Variants in PHF24 observed in about 807,000 individuals in gnomAD.
PHF24 encodes PHD finger protein 24.
Under a neutral mutation model 42.6 loss-of-function variants are expected in PHF24, and 25 were observed. The observed-to-expected ratio is 0.59, with a 90% CI of 0.43 to 0.82. The LOEUF (loss-of-function observed/expected upper bound fraction) is 0.82, where lower values mean the gene tolerates loss of function less well. Among genes scored for constraint, PHF24 ranks in the 40% least tolerant of loss-of-function variants. The pLI is 0.00. For missense variants in PHF24, 470 were observed against 538.1 expected, an observed-to-expected ratio of 0.87 and a Z score of 1.25; for synonymous variants, 185 against 204.8, an observed-to-expected ratio of 0.90 and a Z score of 0.83.
At chr9:34,861,090 G>T in the PHF24 span, among the ~76,000 whole-genome samples, 3 of 152,140 alleles carry the variant, frequency 2.0e-5, no homozygotes, top group Non-Finnish European at 4.4e-5. Context: ...AGAGAAGGCA[G>T]CTGGGCAGAA....
At chr9:34,873,250 T>G in the PHF24 span, among the ~76,000 whole-genome samples, 1 of 152,134 alleles carries the variant, frequency 6.6e-6, no homozygotes, top group South Asian at 2.1e-4. Context: ...TGCCTTTGCT[T>G]TTGGTGTTTT....
At chr9:34,751,156 T>A in the PHF24 span, among the ~76,000 whole-genome samples, 167 of 152,154 alleles carry the variant, frequency 1.1e-3, 1 homozygote, top group African/African-American at 2.6e-3. Context: ...CCTGATGTCA[T>A]GAGTTCAAGA....
At chr9:34,727,562 T>G in the PHF24 span, among the ~76,000 whole-genome samples, 1 of 152,314 alleles carries the variant, frequency 6.6e-6, no homozygotes, top group Admixed American at 6.5e-5. Flanking sequence ...TCCCAAGTAC[T>G]GGCCTCACTG....
At chr9:34,726,454 G>T in the PHF24 span, 1 of 1,551,300 alleles carries the variant, frequency 6.4e-7, no homozygotes, top group Non-Finnish European at 8.7e-7. Flanking sequence ...CTGGGTTCAG[G>T]GACAGCAAGG....
chr9:34,885,076 A>G, the PHF24 span, among the ~76,000 whole-genome samples: 2 of 152,190 alleles, frequency 1.3e-5, no homozygotes, highest in South Asian at 2.1e-4. Flanking sequence ...TCTTCCTCCT[A>G]CATGGCTTTC....
At chr9:34,892,817 T>C in the PHF24 span, 1 of 674,702 alleles carries the variant, frequency 1.5e-6, no homozygotes, top group Admixed American at 2.1e-5. Context: ...AGCCCAGGAA[T>C]CTTGGACGCT....
At position 34,958,678 on chromosome 9, in the gene PHF24, G is replaced by A. The variant is rs540059803; in HGVS notation, c.-5+277G>A. Among the ~76,000 whole-genome samples the A allele has an allele frequency of 2.6e-5, 4 of 152,282 alleles. No homozygotes were observed. Among genetic ancestry groups the A allele is most frequent in the African/African-American group, 9.6e-5 (4 of 41,574 alleles). On this transcript the variant is annotated intron_variant, in intron 1 of 7. Transcript: ENST00000242315. The surrounding 1 kb of genome is among the most constrained non-coding windows in gnomAD (Gnocchi z 4.5). ...CCATAGGGAGCCCCAGCGTGGAGGG[G>A]ACTGGCCCCAGAGAGCCCTTCTGTG... is the stretch of plus-strand genomic sequence containing the variant.
At chr9:34,887,446 A>G in the PHF24 span, among the ~76,000 whole-genome samples, 3 of 152,124 alleles carry the variant, frequency 2.0e-5, no homozygotes, top group Non-Finnish European at 4.4e-5. Flanking sequence ...CACTGGAGTC[A>G]TCCTCTACCA....
chr9:34,728,585 T>A, the PHF24 span: 1 of 1,548,808 alleles, frequency 6.5e-7, no homozygotes, highest in South Asian at 1.2e-5. Flanking sequence ...TGGAAGGGAG[T>A]CAGAGGAGAG....
chr9:34,942,946 C>A, the PHF24 span, among the ~76,000 whole-genome samples: 81 of 151,978 alleles, frequency 5.3e-4, no homozygotes, highest in Non-Finnish European at 8.5e-4. Context: ...ACATGTATAC[C>A]TATGTAATAA....
the PHF24 span, among the ~76,000 whole-genome samples, chr9:34,741,341 C>G: frequency 2.0e-5 from 3 of 151,890 alleles, no homozygotes; most frequent in Admixed American, 6.6e-5. Flanking sequence ...GGCAGTATTT[C>G]TTTTCTTTTC....
At chr9:34,794,846 TC>T in the PHF24 span, among the ~76,000 whole-genome samples, 1 of 152,086 alleles carries the variant, frequency 6.6e-6, no homozygotes, top group Non-Finnish European at 1.5e-5. Flanking sequence ...TACCAAAATG[TC>T]TAACATGCAT....
At chr9:34,800,242 G>A in the PHF24 span, among the ~76,000 whole-genome samples, 1 of 152,120 alleles carries the variant, frequency 6.6e-6, no homozygotes, top group Admixed American at 6.5e-5. Context: ...GATGGTGTGA[G>A]GTAATGAAGA....
At chr9:34,709,406 A>G in the PHF24 span, 1 of 1,609,332 alleles carries the variant, frequency 6.2e-7, no homozygotes, top group Non-Finnish European at 8.5e-7. Context: ...ATGGCCCTTT[A>G]GGGGTCTGTG....
chr9:34,799,364 T>A, the PHF24 span, among the ~76,000 whole-genome samples: 1 of 152,226 alleles, frequency 6.6e-6, no homozygotes, highest in Non-Finnish European at 1.5e-5. Flanking sequence ...GGTAAATTAA[T>A]GCCTTTGTCA....
the PHF24 span, among the ~76,000 whole-genome samples, chr9:34,721,788 C>G: frequency 1.3e-3 from 201 of 152,314 alleles, 1 homozygote; most frequent in African/African-American, 4.5e-3. Flanking sequence ...TTAAGGTCAT[C>G]AATGATCTCT....
chr9:34,738,178 G>A, the PHF24 span, among the ~76,000 whole-genome samples: 1 of 152,036 alleles, frequency 6.6e-6, no homozygotes, highest in Non-Finnish European at 1.5e-5. Flanking sequence ...CCGCCACTGT[G>A]GCCAGATCCC....
At chr9:34,781,802 G>T in the PHF24 span, among the ~76,000 whole-genome samples, 1 of 152,116 alleles carries the variant, frequency 6.6e-6, no homozygotes, top group Non-Finnish European at 1.5e-5. Flanking sequence ...GGAGAAAGCA[G>T]CAACAATGCA....
At chr9:34,766,058 G>C in the PHF24 span, among the ~76,000 whole-genome samples, 41 of 152,298 alleles carry the variant, frequency 2.7e-4, no homozygotes, top group East Asian at 1.5e-3. Flanking sequence ...TAGAGTTTCT[G>C]CTGAGAGATC....
Sources: gnomAD v4.1 joint callset for allele counts (sites outside exome capture counted in the v4.1 genomes callset) on GRCh38, gnomAD v4.1.1 for gene constraint, Gnocchi (gnomAD v3.1) non-coding constraint, MANE v1.5 for transcripts, NCBI Gene and HGNC (gene_info 2026-07-23, HGNC 2026-07-21) for gene names.